The following SGCZ variants were observed in gnomAD, a reference collection of about 807,000 sequenced individuals.
SGCZ encodes zeta-sarcoglycan.
In SGCZ, 40 loss-of-function variants were observed where a neutral mutation model predicts 41.3. The observed-to-expected ratio is 0.97, with a 90% CI of 0.75 to 1.26. The LOEUF is 1.26. Among genes scored for constraint, SGCZ ranks in the 50% most tolerant of loss-of-function variants. The pLI is 0.00. For synonymous variants in SGCZ, 206 were observed against 137.5 expected (o/e 1.50, Z -3.49); for missense variants, 552 against 369.8 (o/e 1.49, Z -4.04).
intron 1 of SGCZ, among the ~76,000 whole-genome samples, chr8:14,874,579 T>C (rs1254278710): frequency 1.3e-5 from 2 of 152,172 alleles, no homozygotes; most frequent in African/African-American, 4.8e-5. Context: ...AATATTAATA[T>C]GTAGATTCTC....
At chr8:15,194,225 ACAC>A (rs1800641012) in intron 1 of SGCZ, among the ~76,000 whole-genome samples, 1 of 147,680 alleles carries the variant, frequency 6.8e-6, no homozygotes, top group Middle Eastern at 3.6e-3. Flanking sequence ...ACACACACAC[ACAC>A]CACAACCCTC....
At chr8:14,555,957 T>G (rs1804023496) in intron 1 of SGCZ, among the ~76,000 whole-genome samples, 1 of 152,044 alleles carries the variant, frequency 6.6e-6, no homozygotes. Flanking sequence ...TACCATACTA[T>G]TTCATAATGT....
intron 4 of SGCZ, among the ~76,000 whole-genome samples, chr8:14,208,722 T>A (rs1303466007): frequency 1.3e-5 from 2 of 152,192 alleles, no homozygotes; most frequent in African/African-American, 4.8e-5. Flanking sequence ...CATAAAATTA[T>A]TTTTAAAACT....
At chr8:14,976,457 C>G (rs1487918947) in intron 1 of SGCZ, among the ~76,000 whole-genome samples, 1 of 152,096 alleles carries the variant, frequency 6.6e-6, no homozygotes. Context: ...GTTATCATTA[C>G]CATTCCAATT....
At chr8:14,554,303 T>C (rs113887950) in intron 2 of SGCZ, among the ~76,000 whole-genome samples, 7 of 151,986 alleles carry the variant, frequency 4.6e-5, no homozygotes, top group African/African-American at 1.7e-4. Flanking sequence ...AAAGCAGATA[T>C]AGAGATATAT....
intron 2 of SGCZ, among the ~76,000 whole-genome samples, chr8:14,401,393 C>T (rs1001324933): frequency 1.3e-5 from 2 of 148,800 alleles, no homozygotes; most frequent in African/African-American, 5.0e-5. Context: ...CCCAATAACT[C>T]GTCATCTAGC....
At chr8:14,247,412 C>A (rs540611960) in intron 3 of SGCZ, among the ~76,000 whole-genome samples, 1 of 152,156 alleles carries the variant, frequency 6.6e-6, no homozygotes, top group Non-Finnish European at 1.5e-5. Context: ...TTACACATGA[C>A]AGTCCATTTA....
intron 1 of SGCZ, among the ~76,000 whole-genome samples, chr8:14,653,117 C>G (rs1807456341): frequency 6.6e-6 from 1 of 152,018 alleles, no homozygotes. Context: ...ATTACTCTCT[C>G]AATCCATGAG....
chr8:14,843,224 AAAG>A (rs1165242809), intron 1 of SGCZ, among the ~76,000 whole-genome samples: 1 of 152,150 alleles, frequency 6.6e-6, no homozygotes, highest in African/African-American at 2.4e-5. Context: ...AAAAAGAAAA[AAAG>A]AAGACTAGTT....
chr8:14,563,959 A>G (rs1804282418), intron 1 of SGCZ, among the ~76,000 whole-genome samples: 1 of 152,020 alleles, frequency 6.6e-6, no homozygotes, highest in Admixed American at 6.6e-5. Context: ...GACATGCACA[A>G]ATGTTGGAGG....
At chr8:14,674,969 C>T (rs1808226715) in intron 1 of SGCZ, among the ~76,000 whole-genome samples, 2 of 88,948 alleles carry the variant, frequency 2.2e-5, no homozygotes, top group Non-Finnish European at 1.7e-5. Context: ...GATGGAGTCT[C>T]CCTCTGTCGT....
chr8:14,841,239 A>G (rs1329078267), intron 1 of SGCZ, among the ~76,000 whole-genome samples: 5 of 152,148 alleles, frequency 3.3e-5, no homozygotes, highest in Non-Finnish European at 7.4e-5. Flanking sequence ...AATGTAAACT[A>G]AAGAGCAATC....
At chr8:14,876,919 G>T (rs1400858581) in intron 1 of SGCZ, among the ~76,000 whole-genome samples, 1 of 152,038 alleles carries the variant, frequency 6.6e-6, no homozygotes, top group South Asian at 2.1e-4. Context: ...CATTGGAGAG[G>T]TTCCACTGAT....
chr8:14,641,005 T>G (rs961733282), intron 1 of SGCZ, among the ~76,000 whole-genome samples: 2 of 151,672 alleles, frequency 1.3e-5, no homozygotes, highest in Admixed American at 1.3e-4. Flanking sequence ...TTCAGAAAGA[T>G]GGTATGAATT....
intron 6 of SGCZ, among the ~76,000 whole-genome samples, chr8:14,107,156 A>C (rs55853834): frequency 0.22 from 32,989 of 151,670 alleles, 4,425 homozygotes; most frequent in East Asian, 0.65. Context: ...GCGGAGCTTG[A>C]GGTGAGTCGA....
At position 15,223,885 on chromosome 8, in the gene SGCZ, G is replaced by C. The variant is rs113445319; in HGVS notation, c.39+13700C>G. Reference sequence around the variant, plus strand: ...ATTTATTTATTTATTTATTTATTGAGACAGAGTCTCACTCGGCAGAGTGCA... The same window carrying C: ...ATTTATTTATTTATTTATTTATTGACACAGAGTCTCACTCGGCAGAGTGCA... On this transcript the variant is annotated intron_variant, in intron 1 of 7. Coordinates refer to ENST00000382080, the MANE Select transcript of SGCZ (RefSeq NM_139167.4). 3.1e-3 allele frequency among the ~76,000 whole-genome samples: 381 copies of C among 124,606 alleles called. 1 individual carries two copies. Among genetic ancestry groups the C allele is most frequent in the African/African-American group, 0.012 (341 of 29,210 alleles). The allele number at this position is 124,606 out of a possible 152,430, so 81.7% of individuals were successfully genotyped here. A position where few individuals can be genotyped will look rare whatever the true frequency, so the allele number is the denominator to read the frequency against.
chr8:14,693,076 T>C (rs1808848852), intron 1 of SGCZ, among the ~76,000 whole-genome samples: 1 of 152,160 alleles, frequency 6.6e-6, no homozygotes, highest in South Asian at 2.1e-4. Context: ...CGGTGAAATG[T>C]GTTAATAAAA....
At chr8:15,008,887 T>G (rs1052694455) in intron 1 of SGCZ, among the ~76,000 whole-genome samples, 4 of 151,928 alleles carry the variant, frequency 2.6e-5, no homozygotes, top group Admixed American at 6.6e-5. Context: ...ACAATCACAT[T>G]TTTTTATTTT....
At chr8:14,890,980 G>C (rs1306035908) in intron 1 of SGCZ, among the ~76,000 whole-genome samples, 7 of 152,138 alleles carry the variant, frequency 4.6e-5, no homozygotes, top group African/African-American at 1.7e-4. Flanking sequence ...AATAGTTTAA[G>C]CCCTCTATTG....
Sources: allele counts gnomAD v4.1 joint callset (sites outside exome capture counted in the v4.1 genomes callset), GRCh38; gene constraint gnomAD v4.1.1; transcripts MANE v1.5; gene names NCBI Gene and HGNC (gene_info 2026-07-23, HGNC 2026-07-21).